The following NEXMIF variants were observed in gnomAD, a reference collection of about 807,000 sequenced individuals.
NEXMIF encodes XLMR protein related to neurite extension.
NEXMIF carries 8 observed loss-of-function variants against 62.1 expected under a neutral mutation model. That is an observed-to-expected ratio of 0.13 (90% CI 0.08 to 0.23). NEXMIF has a LOEUF of 0.23. Ranked by LOEUF, NEXMIF falls within the 10% of genes least tolerant of loss-of-function variation. NEXMIF has a pLI of 1.00. For synonymous variants in NEXMIF, 404 were observed against 416.6 expected (o/e 0.97, Z 0.37); for missense variants, 976 against 1,113.3 (o/e 0.88, Z 1.75).
intron 1 of NEXMIF, among the ~76,000 whole-genome samples, chrX:74,894,169 C>T (rs747550248): frequency 6.4e-5 from 7 of 110,219 alleles, no homozygotes; most frequent in Non-Finnish European, 1.1e-4. Context: ...CATGGTGGCA[C>T]GCACCTGTAG....
chrX:74,766,962 G>C (rs1226901836), intron 1 of NEXMIF, among the ~76,000 whole-genome samples: 1 of 111,962 alleles, frequency 8.9e-6, no homozygotes, highest in East Asian at 2.8e-4. Flanking sequence ...GAGAAGTGAG[G>C]ACTGCGAACT....
intron 1 of NEXMIF, among the ~76,000 whole-genome samples, chrX:74,761,163 C>T (rs962365717): frequency 1.8e-5 from 2 of 111,046 alleles, no homozygotes; most frequent in Non-Finnish European, 3.8e-5. Context: ...ACCCCCAATG[C>T]CTGGCCCAAA....
intron 1 of NEXMIF, among the ~76,000 whole-genome samples, chrX:74,761,585 C>T (rs1016481723): frequency 2.7e-5 from 3 of 110,753 alleles, no homozygotes; most frequent in Non-Finnish European, 3.8e-5. Flanking sequence ...TGTCATTTCT[C>T]ATTGTATTTA....
intron 1 of NEXMIF, among the ~76,000 whole-genome samples, chrX:74,805,473 T>G (rs752970287): frequency 1.8e-5 from 2 of 112,555 alleles, no homozygotes; most frequent in African/African-American, 6.4e-5. Flanking sequence ...GTTTACTCTG[T>G]TGATAGCTTC....
chrX:74,876,839 G>C (rs1327473453), intron 1 of NEXMIF, among the ~76,000 whole-genome samples: 1 of 106,699 alleles, frequency 9.4e-6, no homozygotes, highest in Non-Finnish European at 1.9e-5. Flanking sequence ...TTTTCCATTT[G>C]CTTGGTAGAT....
At chrX:74,844,703 T>A (rs1033009105) in intron 1 of NEXMIF, among the ~76,000 whole-genome samples, 3 of 112,047 alleles carry the variant, frequency 2.7e-5, no homozygotes, top group Admixed American at 1.9e-4. Context: ...TCTATACTTT[T>A]GGCTTTAACT....
At chrX:74,882,135 T>C (rs1237558893) in intron 1 of NEXMIF, among the ~76,000 whole-genome samples, 2 of 111,979 alleles carry the variant, frequency 1.8e-5, no homozygotes, top group African/African-American at 6.5e-5. Context: ...TATCCATCAA[T>C]GATAGACTGG....
chrX:74,849,471 C>T (rs1465379960), intron 1 of NEXMIF, among the ~76,000 whole-genome samples: 5 of 112,241 alleles, frequency 4.5e-5, no homozygotes, highest in Non-Finnish European at 9.4e-5. Flanking sequence ...TGCCTGGAGA[C>T]TGCATGATGG....
At chrX:74,846,782 G>A (rs1209396749) in intron 1 of NEXMIF, among the ~76,000 whole-genome samples, 1 of 111,849 alleles carries the variant, frequency 8.9e-6, no homozygotes, top group Non-Finnish European at 1.9e-5. Flanking sequence ...CCCATATCTT[G>A]TATCATTTAA....
At chrX:74,819,174 A>G (rs938735124) in intron 1 of NEXMIF, among the ~76,000 whole-genome samples, 3 of 112,229 alleles carry the variant, frequency 2.7e-5, no homozygotes, top group Non-Finnish European at 5.6e-5. Flanking sequence ...ACCTTGTACA[A>G]AAATTAATTC....
intron 1 of NEXMIF, among the ~76,000 whole-genome samples, chrX:74,796,245 C>CACATATATATTATATATATTATATAT (rs2080310676): frequency 6.9e-5 from 1 of 14,436 alleles, no homozygotes; most frequent in African/African-American, 1.2e-4. Context: ...TATATATATA[C>CACATATATATTATATATATTATATAT]ACATATATAT....
intron 1 of NEXMIF, among the ~76,000 whole-genome samples, chrX:74,789,468 A>G (rs1175763006): frequency 9.0e-6 from 1 of 110,503 alleles, no homozygotes; most frequent in East Asian, 2.8e-4. Context: ...AGCATGATTT[A>G]TAGTCCTTTG....
At chrX:74,749,357 T>C (rs1011681754) in intron 1 of NEXMIF, among the ~76,000 whole-genome samples, 1 of 110,810 alleles carries the variant, frequency 9.0e-6, no homozygotes, top group African/African-American at 3.3e-5. Flanking sequence ...CAGTCTATCT[T>C]CTAAACAACT....
chrX:74,873,818 C>T (rs1172996039), intron 1 of NEXMIF, among the ~76,000 whole-genome samples: 2 of 111,549 alleles, frequency 1.8e-5, no homozygotes, highest in African/African-American at 3.3e-5. Flanking sequence ...TCATGTCCTT[C>T]ACCCACTTTT....
intron 1 of NEXMIF, among the ~76,000 whole-genome samples, chrX:74,851,167 G>A (rs922521066): frequency 2.7e-5 from 3 of 110,610 alleles, no homozygotes; most frequent in Non-Finnish European, 5.7e-5. Context: ...CACCCAGTCA[G>A]TCAAATTTTT....
chrX:74,771,154 T>A (rs1200509599), intron 1 of NEXMIF, among the ~76,000 whole-genome samples: 2 of 111,818 alleles, frequency 1.8e-5, no homozygotes, highest in African/African-American at 6.5e-5. Context: ...CATAAATTTA[T>A]TTAGTGGCAT....
intron 1 of NEXMIF, among the ~76,000 whole-genome samples, chrX:74,837,152 G>A (rs1458351487): frequency 9.0e-6 from 1 of 111,589 alleles, no homozygotes; most frequent in Non-Finnish European, 1.9e-5. Context: ...ACTCTGTGCT[G>A]CATGGCTGCT....
chrX:74,832,254 C>T (rs769186852), intron 1 of NEXMIF, among the ~76,000 whole-genome samples: 3 of 111,401 alleles, frequency 2.7e-5, no homozygotes, highest in Non-Finnish European at 5.7e-5. Context: ...TACTAAGAGA[C>T]TTTTATTATG....
At chrX:74,871,245 G>T (rs920787496) in intron 1 of NEXMIF, among the ~76,000 whole-genome samples, 1 of 111,374 alleles carries the variant, frequency 9.0e-6, no homozygotes, top group Non-Finnish European at 1.9e-5. Context: ...TCACATATTG[G>T]TAGGACCATG....
Sources: gnomAD v4.1 joint callset for allele counts (sites outside exome capture counted in the v4.1 genomes callset) on GRCh38, gnomAD v4.1.1 for gene constraint, MANE v1.5 for transcripts, NCBI Gene and HGNC (gene_info 2026-07-23, HGNC 2026-07-21) for gene names.